MS4A13: variants seen among roughly 807,000 people sequenced by gnomAD.
The protein encoded by MS4A13 is membrane-spanning 4-domains subfamily A member 13.
Under a neutral mutation model 18.4 loss-of-function variants are expected in MS4A13, and 21 were observed. That is an observed-to-expected ratio of 1.14 (90% CI 0.81 to 1.64). The LOEUF (loss-of-function observed/expected upper bound fraction) is 1.64, where lower values mean the gene tolerates loss of function less well. Ranked by LOEUF, MS4A13 falls within the 40% of genes most tolerant of loss-of-function variation. MS4A13 has a pLI of 0.00. For synonymous variants in MS4A13, 62 were observed against 57.2 expected, an observed-to-expected ratio of 1.08 and a Z score of -0.38; for missense variants, 173 against 176.8, an observed-to-expected ratio of 0.98 and a Z score of 0.12.
rs755498420 is a variant in MS4A13, at chr11:60,518,133, A to C, written c.50A>C (p.Tyr17Ser). 2 of 1,610,250 alleles carry C rather than the reference A, an allele frequency of 1.2e-6. No individual in the cohort carries two copies. Among genetic ancestry groups the C allele is most frequent in the Non-Finnish European group, 1.7e-6 (2 of 1,176,946 alleles). ...ATGTGGTACTTTCTATTGGTTTTGT[A>C]TATGGGACAAATTAAAGGAGCCTTT... ...IFMWYFLLVL[Y>S]MGQIKGAFGT... Residue 17 changes from tyrosine (Y) to serine (S), a missense_variant, in exon 3 of 7, where the codon TAT becomes TCT. Transcript: ENST00000378186.
intron 3 of MS4A13, among the ~76,000 whole-genome samples, chr11:60,518,816 C>A (rs2086655011): frequency 6.6e-6 from 1 of 152,064 alleles, no homozygotes; most frequent in Non-Finnish European, 1.5e-5. Flanking sequence ...AATTGTGAAG[C>A]AAAAACCTGG....
chr11:60,517,234 T>C lies in MS4A13; in HGVS notation c.-12-838T>C, dbSNP rs2086643738. ...AATGTATTTTTTAAAGTTAGCCAAT[T>C]GCACTTATATATTTCATAGACTGCC... is the stretch of plus-strand genomic sequence containing the variant. On this transcript the variant is annotated intron_variant, in intron 2 of 6. Transcript: ENST00000378186. Among the ~76,000 whole-genome samples, 3 of 152,150 alleles carry C rather than the reference T, an allele frequency of 2.0e-5. No individual in the cohort carries two copies. The South Asian group carries it at 6.2e-4, about 32-fold the overall frequency.
intron 6 of MS4A13, among the ~76,000 whole-genome samples, chr11:60,531,396 A>T (rs1247993800): frequency 1.3e-5 from 2 of 152,228 alleles, no homozygotes; most frequent in Non-Finnish European, 2.9e-5. Flanking sequence ...GTCTGGAAGA[A>T]TATAAATATG....
At chr11:60,519,740 G>A (rs2086661167) in intron 3 of MS4A13, among the ~76,000 whole-genome samples, 1 of 152,290 alleles carries the variant, frequency 6.6e-6, no homozygotes, top group African/African-American at 2.4e-5. Context: ...CAAGAAAGGT[G>A]CAAAGCAATT....
At chr11:60,525,493 G>T (rs2086707729) in intron 5 of MS4A13, among the ~76,000 whole-genome samples, 167 bp downstream of exon 5, 1 of 152,174 alleles carries the variant, frequency 6.6e-6, no homozygotes, top group Non-Finnish European at 1.5e-5. Flanking sequence ...TCTAGGCTGT[G>T]AGTTTTAGTA....
At chr11:60,519,519 T>C (rs977342118) in intron 3 of MS4A13, among the ~76,000 whole-genome samples, 1 of 151,912 alleles carries the variant, frequency 6.6e-6, no homozygotes, top group East Asian at 1.9e-4. Flanking sequence ...CAAGAGAATA[T>C]GAAATAATCA....
intron 2 of MS4A13, among the ~76,000 whole-genome samples, chr11:60,517,347 T>C (rs954991553): frequency 4.6e-5 from 7 of 152,216 alleles, no homozygotes; most frequent in African/African-American, 1.7e-4. Flanking sequence ...TCCTCTGTCA[T>C]TTTTAAAGAG....
At position 60,527,358 on chromosome 11, in the gene MS4A13, TTCCG is replaced by T. The variant is rs773968065; in HGVS notation, c.307-2004_307-2001del. 9.2e-3 allele frequency among the ~76,000 whole-genome samples: 742 copies of T among 81,034 alleles called. 6 individuals are homozygous for T. The highest frequency in any genetic ancestry group is 0.011 in the African/African-American group (228 of 20,832). The allele number at this position is 81,034 out of a possible 152,430, so 53.2% of individuals were successfully genotyped here. A position where few individuals can be genotyped will look rare whatever the true frequency, so the allele number is the denominator to read the frequency against. ...ACATCATCTGCCAGGAACTCATTCA[TTCCG>T]TCTCTCTCTCTCTCTCTCTCTCTCT... On this transcript the variant is annotated intron_variant, in intron 5 of 6. Transcript: ENST00000378186.
intron 3 of MS4A13, among the ~76,000 whole-genome samples, chr11:60,519,492 G>A (rs2086659577): frequency 6.6e-6 from 1 of 151,932 alleles, no homozygotes; most frequent in African/African-American, 2.4e-5. Context: ...GAAGTGGTTT[G>A]GTTGTTTGAG....
chr11:60,529,135 A>G (rs777762652), intron 5 of MS4A13, among the ~76,000 whole-genome samples: 37 of 152,230 alleles, frequency 2.4e-4, no homozygotes, highest in Non-Finnish European at 4.7e-4. Context: ...GATCAAATGC[A>G]GAAGCCACAG....
Position 60,515,610 on chromosome 11 carries a change from A to G in MS4A13, c.-129+3A>G, listed in dbSNP as rs956500774. 3 of 152,190 alleles carry G rather than the reference A, an allele frequency of 2.0e-5. No individual in the cohort carries two copies. Among genetic ancestry groups the G allele is most frequent in the African/African-American group, 7.2e-5 (3 of 41,436 alleles). The allele number at this position is 152,190 out of a possible 1,614,324, so 9.4% of individuals were successfully genotyped here. The stretch of plus-strand genomic sequence containing the variant: ...ACCTTGAACAAGTAAAATGCAGGGT[A>G]GTGATGTCGCTTTGCTGGAGTGCTT... On this transcript the variant is annotated splice_donor_region_variant and intron_variant, in intron 1 of 6. Transcript: ENST00000378186.
Position 60,528,812 on chromosome 11 carries a change from C to T in MS4A13, c.307-553C>T, listed in dbSNP as rs530289887. ...CAGAAGGGAATCTGTTTTATTTATC[C>T]CAGCAGTCACAATCACCTTATGCTT... On this transcript the variant is annotated intron_variant, in intron 5 of 6. Coordinates refer to ENST00000378186, the MANE Select transcript of MS4A13 (RefSeq NM_001012417.3). 9.5e-4 allele frequency among the ~76,000 whole-genome samples: 145 copies of T among 152,160 alleles called. 2 individuals are homozygous for T. The South Asian group carries it at 0.029, about 31-fold the overall frequency.
At chr11:60,528,026 A>G (rs2135259030) in intron 5 of MS4A13, among the ~76,000 whole-genome samples, 1 of 152,304 alleles carries the variant, frequency 6.6e-6, no homozygotes, top group South Asian at 2.1e-4. Flanking sequence ...TCTTTTCCTT[A>G]TCCTCCTGTT....
chr11:60,538,010 C>T (rs1311294750), intron 6 of MS4A13, among the ~76,000 whole-genome samples: 15 of 118,610 alleles, frequency 1.3e-4, no homozygotes, highest in African/African-American at 4.7e-4. Flanking sequence ...GGGAATATCA[C>T]ACTCTGGGGA....
In MS4A13 at chr11:60,518,180, T is replaced by TA. The variant is rs1565209680; in HGVS notation, c.98dup (p.Tyr33Ter). 2 of 1,611,760 alleles carry TA rather than the reference T, an allele frequency of 1.2e-6. No homozygotes were observed. Among genetic ancestry groups the TA allele is most frequent in the Non-Finnish European group, 1.7e-6 (2 of 1,178,560 alleles). ...CTTTGGAACGTATGAACCTGTAACT[T>TA]ACAAAACAGGATGTACTTTATGGGG... Reference protein sequence around the residue: ...GAFGTYEPVTYKTGCTLWGIF... With the variant: ...GAFGTYEPVT Residue 33 changes from tyrosine (Y) to a stop codon, truncating the protein, a stop_gained and frameshift_variant, in exon 3 of 7, where the codon TAC (tyrosine) becomes TAAC (stop). Transcript: ENST00000378186. LOFTEE classifies it high-confidence loss of function.
At chr11:60,538,095 T>C (rs1590881391) in intron 6 of MS4A13, among the ~76,000 whole-genome samples, 2 of 147,812 alleles carry the variant, frequency 1.4e-5, no homozygotes, top group South Asian at 4.4e-4. Flanking sequence ...CGTTGGTGGG[T>C]GCAGCGCACC....
At chr11:60,521,101 G>C (rs535507716) in intron 3 of MS4A13, among the ~76,000 whole-genome samples, 2 of 152,334 alleles carry the variant, frequency 1.3e-5, no homozygotes, top group East Asian at 3.9e-4. Flanking sequence ...GAAGCAGCTG[G>C]GATTCAGGGC....
intron 6 of MS4A13, among the ~76,000 whole-genome samples, chr11:60,532,615 A>T (rs1466580901): frequency 6.6e-6 from 1 of 152,076 alleles, no homozygotes; most frequent in Non-Finnish European, 1.5e-5. Flanking sequence ...GCCATTGCGC[A>T]GGCTTGCTTA....
chr11:60,531,121 T>G (rs1195511624), intron 6 of MS4A13, among the ~76,000 whole-genome samples: 1 of 152,186 alleles, frequency 6.6e-6, no homozygotes, highest in Non-Finnish European at 1.5e-5. Context: ...GGTCAGACTG[T>G]GAGGCCCAGC....
Sources: gnomAD v4.1 joint callset for allele counts (sites outside exome capture counted in the v4.1 genomes callset) on GRCh38, gnomAD v4.1.1 for gene constraint, MANE v1.5 for transcripts, NCBI Gene and HGNC (gene_info 2026-07-23, HGNC 2026-07-21) for gene names.